CSMD1: variants seen among roughly 807,000 people sequenced by gnomAD.
CSMD1 encodes CUB and Sushi multiple domains 1, also known as CUB and sushi domain-containing protein 1.
In CSMD1, 213 loss-of-function variants were observed where a neutral mutation model predicts 417.5. That is an observed-to-expected ratio of 0.51 (90% confidence interval 0.46 to 0.57). The LOEUF (loss-of-function observed/expected upper bound fraction) is 0.57, where lower values mean the gene tolerates loss of function less well. CSMD1 is among the 20% of genes least tolerant of loss of function. CSMD1 has a pLI of 0.00. For missense variants in CSMD1, 6,923 were observed against 4,529.7 expected, an observed-to-expected ratio of 1.53 and a Z score of -15.17; for synonymous variants, 2,862 against 1,736.8, an observed-to-expected ratio of 1.65 and a Z score of -16.11.
At chr8:4,008,466 T>C (rs537097112) in intron 4 of CSMD1, among the ~76,000 whole-genome samples, 19 of 151,960 alleles carry the variant, frequency 1.3e-4, no homozygotes, top group African/African-American at 3.6e-4. Flanking sequence ...ATAAATGCTA[T>C]TTAAAATTTC....
In CSMD1 at chr8:3,149,409, T is replaced by TTTG. The variant is rs945474224; in HGVS notation, c.6031+1985_6031+1987dup. 9.9e-5 allele frequency among the ~76,000 whole-genome samples: 15 copies of TTTG among 152,214 alleles called. No homozygotes were observed. In the East Asian group the frequency reaches 1.2e-3, roughly 12 times the overall value. On this transcript the variant is annotated intron_variant, in intron 40 of 69. Coordinates refer to ENST00000635120, the MANE Select transcript of CSMD1 (RefSeq NM_033225.6). ...GTGACTTTCCTATTTGTTTCACTTT[T>TTTG]TTGTTGTTGTTGTTGTTGTTTATCA...
rs145894063 is a variant in CSMD1, at chr8:4,977,240, T to C, written c.85+17092A>G. ...CATATTCCCTTCAATAAAAGCCAAG[T>C]GAGAGCAAAACTCTTTCTGCAAAGG... On this transcript the variant is annotated intron_variant, in intron 1 of 69. Coordinates refer to ENST00000635120, the MANE Select transcript of CSMD1 (RefSeq NM_033225.6). Among the ~76,000 whole-genome samples the C allele has an allele frequency of 3.2e-3, 480 of 152,314 alleles. 4 individuals are homozygous for C. Among genetic ancestry groups the C allele is most frequent in the Non-Finnish European group, 1.5e-3 (102 of 68,016 alleles).
chr8:3,737,657 C>G (rs1003123625), intron 6 of CSMD1, among the ~76,000 whole-genome samples: 2 of 152,136 alleles, frequency 1.3e-5, no homozygotes, highest in Admixed American at 6.5e-5. Flanking sequence ...CCCCAACAAT[C>G]CACACTGACC....
intron 1 of CSMD1, among the ~76,000 whole-genome samples, chr8:4,904,255 C>G (rs933811996): frequency 1.3e-5 from 2 of 152,212 alleles, no homozygotes; most frequent in East Asian, 1.9e-4. Context: ...CCTCATTATT[C>G]CTTAACTGTG....
chr8:4,598,379 C>G (rs1800393658), intron 2 of CSMD1, among the ~76,000 whole-genome samples: 1 of 152,160 alleles, frequency 6.6e-6, no homozygotes, highest in Admixed American at 6.5e-5. Context: ...TAGATATTAG[C>G]TCTAACAGGT....
At chr8:4,220,495 T>G (rs1336859339) in intron 3 of CSMD1, among the ~76,000 whole-genome samples, 1 of 152,078 alleles carries the variant, frequency 6.6e-6, no homozygotes, top group African/African-American at 2.4e-5. Context: ...TCACTTTGTG[T>G]AAGAAATATC....
In CSMD1 at chr8:3,476,666, C is replaced by G. The variant is rs1466210862; in HGVS notation, c.1449-7842G>C. Among the ~76,000 whole-genome samples the G allele has an allele frequency of 2.6e-5, 4 of 152,132 alleles. No homozygotes were observed. The East Asian group carries it at 5.8e-4, about 22-fold the overall frequency. On this transcript the variant is annotated intron_variant, in intron 11 of 69. Coordinates refer to ENST00000635120, the MANE Select transcript of CSMD1 (RefSeq NM_033225.6). Reference sequence around the variant, plus strand: ...GCTTGGTGGCTTACTCCTGTAATGCCAGCACTTTTTTGAGGCCAAGGCGGG... The same window carrying G: ...GCTTGGTGGCTTACTCCTGTAATGCGAGCACTTTTTTGAGGCCAAGGCGGG...
At chr8:3,343,207 T>A in intron 23 of CSMD1, 87 bp downstream of exon 23, 1 of 1,188,284 alleles carries the variant, frequency 8.4e-7, no homozygotes, top group East Asian at 2.4e-5. Context: ...CAGAAAAAAA[T>A]CAATATTTAA....
At chr8:3,706,252 C>G (rs1056662994) in intron 7 of CSMD1, among the ~76,000 whole-genome samples, 1 of 152,234 alleles carries the variant, frequency 6.6e-6, no homozygotes, top group African/African-American at 2.4e-5. Flanking sequence ...GAAAGGATTA[C>G]TATTTTATTA....
At chr8:3,729,357 C>A (rs754281185) in intron 6 of CSMD1, among the ~76,000 whole-genome samples, 2 of 152,142 alleles carry the variant, frequency 1.3e-5, no homozygotes, top group Non-Finnish European at 2.9e-5. Flanking sequence ...TCTAGCTCTG[C>A]CACCACTCAC....
intron 50 of CSMD1, among the ~76,000 whole-genome samples, chr8:3,043,514 A>T (rs1376577063): frequency 6.6e-6 from 1 of 152,094 alleles, no homozygotes; most frequent in Non-Finnish European, 1.5e-5. Context: ...ATGTATATAA[A>T]TTGCATTTAA....
intron 5 of CSMD1, among the ~76,000 whole-genome samples, chr8:3,800,878 T>C (rs1244963391): frequency 6.6e-6 from 1 of 152,264 alleles, no homozygotes; most frequent in East Asian, 1.9e-4. Flanking sequence ...GGTGCCATGC[T>C]TCTGCTATGG....
intron 3 of CSMD1, among the ~76,000 whole-genome samples, chr8:4,172,254 G>C (rs117818347): frequency 0.048 from 7,328 of 152,216 alleles, 263 homozygotes; most frequent in Middle Eastern, 0.12. Flanking sequence ...CTGAACAAAT[G>C]AATGTCTGGA....
At chr8:4,231,930 T>A (rs551058147) in intron 3 of CSMD1, among the ~76,000 whole-genome samples, 1 of 440 alleles carries the variant, frequency 2.3e-3, no homozygotes, top group East Asian at 0.062. Flanking sequence ...AAAATATGTG[T>A]TTTCCTTCTT....
chr8:4,965,983 A>G (rs1030106325), intron 1 of CSMD1, among the ~76,000 whole-genome samples: 1 of 152,156 alleles, frequency 6.6e-6, no homozygotes, highest in Admixed American at 6.6e-5. Context: ...CTTAATCCTC[A>G]TATCCAGAAT....
intron 12 of CSMD1, among the ~76,000 whole-genome samples, chr8:3,453,584 A>T (rs1042579042): frequency 2.0e-5 from 3 of 152,172 alleles, no homozygotes; most frequent in Non-Finnish European, 2.9e-5. Context: ...GTAGTCATTG[A>T]GGAGCAGGTT....
intron 2 of CSMD1, among the ~76,000 whole-genome samples, chr8:4,551,009 G>C (rs1797845548): frequency 6.6e-6 from 1 of 151,814 alleles, no homozygotes; most frequent in African/African-American, 2.4e-5. Flanking sequence ...ATTAATATCA[G>C]GATTTATAAA....
intron 1 of CSMD1, among the ~76,000 whole-genome samples, chr8:4,886,919 TA>T (rs988214978): frequency 6.6e-6 from 1 of 152,098 alleles, no homozygotes; most frequent in African/African-American, 2.4e-5. Flanking sequence ...TAGTCGATGT[TA>T]CATAACCAAC....
intron 3 of CSMD1, among the ~76,000 whole-genome samples, chr8:4,303,514 C>G (rs74477345): frequency 0.039 from 4,963 of 127,696 alleles, 126 homozygotes; most frequent in Non-Finnish European, 0.058. Flanking sequence ...TCTAGCACGT[C>G]TATATTCAAA....
Sources: allele counts gnomAD v4.1 joint callset (sites outside exome capture counted in the v4.1 genomes callset), GRCh38; gene constraint gnomAD v4.1.1; transcripts MANE v1.5; gene names NCBI Gene and HGNC (gene_info 2026-07-23, HGNC 2026-07-21).